The following SSBP3 variants were observed in gnomAD, a reference collection of about 807,000 sequenced individuals.
SSBP3 encodes the protein single stranded DNA binding protein 3.
In SSBP3, 5 loss-of-function variants were observed where a neutral mutation model predicts 69.6. That is an observed-to-expected ratio of 0.07 (90% CI 0.04 to 0.15). The LOEUF (loss-of-function observed/expected upper bound fraction) is 0.15. SSBP3 is among the 10% of genes least tolerant of loss of function. The pLI is 1.00. For synonymous variants in SSBP3, 196 were observed against 193.4 expected (o/e 1.01, Z -0.11); for missense variants, 312 against 534.0 (o/e 0.58, Z 4.10).
chr1:54,284,628 C>A (rs1320676212), intron 4 of SSBP3, among the ~76,000 whole-genome samples: 1 of 151,746 alleles, frequency 6.6e-6, no homozygotes, highest in Non-Finnish European at 1.5e-5. Flanking sequence ...CCACCATACC[C>A]AGCTAATTTT....
chr1:54,336,352 C>A (rs114749387), intron 4 of SSBP3, among the ~76,000 whole-genome samples: 2,422 of 152,282 alleles, frequency 0.016, 60 homozygotes, highest in African/African-American at 0.055. Flanking sequence ...TCAGAGGCCC[C>A]AGCCCCCGAC....
chr1:54,412,735 G>A (rs1269537456), intron 1 of SSBP3: 3 of 151,838 alleles, frequency 2.0e-5, no homozygotes, highest in Admixed American at 6.6e-5. Context: ...TTTTTTTTGA[G>A]ACAGAGTCTT....
rs528603305 is a variant in SSBP3 at position 54,241,575 on chromosome 1, C to T, written c.766-66G>A. 134 of 1,538,620 alleles carry T rather than the reference C, an allele frequency of 8.7e-5. No homozygotes were observed. The African/African-American group carries it at 1.6e-3, about 18-fold the overall frequency. ...GAGTGCCCTCAGCTGCCAAACCTCC[C>T]TGAGGACACGACCCACTCTTCACAG... On this transcript the variant is annotated intron_variant, in intron 11 of 17. Transcript: ENST00000610401.
chr1:54,408,114 A>C (rs1392841173), upstream of SSBP3, among the ~76,000 whole-genome samples: 1 of 152,002 alleles, frequency 6.6e-6, no homozygotes, highest in Non-Finnish European at 1.5e-5. Flanking sequence ...ACACCTCTGG[A>C]CTCACTCTGC....
chr1:54,347,434 C>CA (rs1234695014), intron 4 of SSBP3, among the ~76,000 whole-genome samples: 1 of 151,494 alleles, frequency 6.6e-6, no homozygotes, highest in Non-Finnish European at 1.5e-5. Flanking sequence ...CTACTAGCCT[C>CA]AAACAATCCT....
At chr1:54,408,819 A>T (rs1649917591), upstream of SSBP3, among the ~76,000 whole-genome samples, 2 of 152,170 alleles carry the variant, frequency 1.3e-5, no homozygotes, top group African/African-American at 2.4e-5. Context: ...TAGGGTTCAG[A>T]GATCCTGTGC....
At chr1:54,344,501 A>G (rs1646657662) in intron 4 of SSBP3, among the ~76,000 whole-genome samples, 1 of 152,196 alleles carries the variant, frequency 6.6e-6, no homozygotes, top group African/African-American at 2.4e-5. Flanking sequence ...TGTTCAAGAC[A>G]CTTCTGTGGG....
At chr1:54,349,271 G>A (rs1392803053) in intron 4 of SSBP3, among the ~76,000 whole-genome samples, 2 of 152,204 alleles carry the variant, frequency 1.3e-5, no homozygotes, top group African/African-American at 4.8e-5. Flanking sequence ...AGCTCCACAA[G>A]GTAGGCAGGG....
intron 1 of SSBP3, among the ~76,000 whole-genome samples, chr1:54,411,477 T>TG (rs1553152369): frequency 9.8e-6 from 1 of 102,434 alleles, no homozygotes; most frequent in Non-Finnish European, 2.3e-5. Flanking sequence ...TACTCTGTCT[T>TG]GAAAAAAAAA....
upstream of SSBP3, among the ~76,000 whole-genome samples, chr1:54,407,650 C>G (rs1357312051): frequency 2.6e-5 from 4 of 151,262 alleles, no homozygotes; most frequent in Non-Finnish European, 5.9e-5. Flanking sequence ...TCGGCACTGT[C>G]TCTTTAAAAG....
chr1:54,336,789 C>A (rs549594065), intron 4 of SSBP3, among the ~76,000 whole-genome samples: 1 of 152,228 alleles, frequency 6.6e-6, no homozygotes, highest in African/African-American at 2.4e-5. Flanking sequence ...TGGGGACACT[C>A]GAGCTATATG....
chr1:54,284,061 C>A (rs1375625793), intron 4 of SSBP3, among the ~76,000 whole-genome samples: 2 of 147,130 alleles, frequency 1.4e-5, no homozygotes, highest in African/African-American at 2.5e-5. Flanking sequence ...ACTGGTGTTA[C>A]ATTTAACAAT....
At chr1:54,228,179 TC>T in intron 17 of SSBP3, 75 bp downstream of exon 17, 1 of 1,363,446 alleles carries the variant, frequency 7.3e-7, no homozygotes, top group Non-Finnish European at 1.0e-6. Context: ...GCAGCCCGGC[TC>T]CGTAGCTCGC....
chr1:54,265,497 T>C (rs567701641), intron 5 of SSBP3, among the ~76,000 whole-genome samples: 42 of 152,300 alleles, frequency 2.8e-4, no homozygotes, highest in African/African-American at 9.6e-4. Context: ...GTGGAATAAC[T>C]GCCCGGGCTT....
At chr1:54,352,611 G>A (rs766534716) in intron 4 of SSBP3, among the ~76,000 whole-genome samples, 10 of 152,148 alleles carry the variant, frequency 6.6e-5, no homozygotes, top group East Asian at 1.9e-4. Flanking sequence ...AGGGGAGGGC[G>A]GGATGGCCGT....
At chr1:54,346,759 G>T (rs1048767139) in intron 4 of SSBP3, among the ~76,000 whole-genome samples, 1 of 151,482 alleles carries the variant, frequency 6.6e-6, no homozygotes, top group African/African-American at 2.4e-5. Flanking sequence ...AGCTTGCAGT[G>T]AGCCGAGATT....
chr1:54,385,560 C>T (rs1360189786), intron 4 of SSBP3, among the ~76,000 whole-genome samples: 1 of 152,104 alleles, frequency 6.6e-6, no homozygotes, highest in East Asian at 1.9e-4. Flanking sequence ...AGGAGGAATT[C>T]CAAATTCAGA....
chr1:54,354,790 G>A (rs1202818141), intron 4 of SSBP3, among the ~76,000 whole-genome samples: 2 of 152,204 alleles, frequency 1.3e-5, no homozygotes, highest in South Asian at 2.1e-4. Context: ...GTGAACCTGG[G>A]CCTAATGTAA....
chr1:54,412,649 C>A (rs895331410), intron 1 of SSBP3: 9 of 152,236 alleles, frequency 5.9e-5, no homozygotes, highest in Non-Finnish European at 1.3e-4. Flanking sequence ...AATGTGAATA[C>A]ACTCAATGCC....
Sources: gnomAD v4.1 joint callset for allele counts (sites outside exome capture counted in the v4.1 genomes callset) on GRCh38, gnomAD v4.1.1 for gene constraint, MANE v1.5 for transcripts, NCBI Gene and HGNC (gene_info 2026-07-23, HGNC 2026-07-21) for gene names.